The following BICRA variants were observed in gnomAD, a reference collection of about 807,000 sequenced individuals.
The protein encoded by BICRA is BRD4 interacting chromatin remodeling complex associated protein, also known as BRD4-interacting chromatin-remodeling complex-associated protein.
In BICRA, 31 loss-of-function variants were observed where a neutral mutation model predicts 96.9. The ratio of observed to expected loss-of-function variants is 0.32; its 90% CI spans 0.24 to 0.43. BICRA has a LOEUF of 0.43. Ranked by LOEUF, BICRA falls within the 20% of genes least tolerant of loss-of-function variation. BICRA has a pLI of 1.00. For synonymous variants in BICRA, 1,350 were observed against 1,071.8 expected, an observed-to-expected ratio of 1.26 and a Z score of -5.07; for missense variants, 2,283 against 2,190.3, an observed-to-expected ratio of 1.04 and a Z score of -0.84.
intron 10 of BICRA, 33 bp from the exon 11 acceptor site, chr19:47,696,418 G>C (rs768473590): frequency 2.7e-5 from 42 of 1,561,372 alleles, no homozygotes; most frequent in Non-Finnish European, 3.6e-5. Context: ...GCTTCTGGAG[G>C]CAAAGGCCTC....
chr19:47,624,953 C>T (rs1305435776), intron 1 of BICRA, among the ~76,000 whole-genome samples: 1 of 150,236 alleles, frequency 6.7e-6, no homozygotes, highest in African/African-American at 2.4e-5. Flanking sequence ...CTCAGTCTCC[C>T]ACAGTGCTGG....
At chr19:47,634,826 G>A (rs969256897) in intron 1 of BICRA, among the ~76,000 whole-genome samples, 4 of 146,844 alleles carry the variant, frequency 2.7e-5, no homozygotes, top group Admixed American at 1.4e-4. Context: ...GCAGTGGCGC[G>A]ATCTCGGCTC....
At chr19:47,609,852 C>T (rs961513815) in intron 1 of BICRA, among the ~76,000 whole-genome samples, 5 of 152,036 alleles carry the variant, frequency 3.3e-5, no homozygotes, top group Non-Finnish European at 5.9e-5. Flanking sequence ...CCCCTTCGCA[C>T]CGCCCCTAAA....
chr19:47,618,109 T>A (rs766264374), intron 1 of BICRA, among the ~76,000 whole-genome samples: 8 of 152,208 alleles, frequency 5.3e-5, no homozygotes, highest in Non-Finnish European at 8.8e-5. Context: ...GTGGGTTGTT[T>A]CTGATTACAC....
chr19:47,684,132 C>T (rs1043235793), intron 7 of BICRA, among the ~76,000 whole-genome samples: 2 of 152,188 alleles, frequency 1.3e-5, no homozygotes, highest in African/African-American at 4.8e-5. Flanking sequence ...AAACGAGTTA[C>T]TATATGCTTA....
Position 47,701,882 on chromosome 19 carries a change from C to A in BICRA, c.4150C>A (p.Arg1384Ser). Residue 1384 changes from arginine to serine, a missense_variant, in exon 15 of 15, where the codon CGC becomes AGC. By Grantham distance (110) the Arg-to-Ser change is moderately radical. Transcript: ENST00000594866. This position sits in a 1 kb window ranked among gnomAD's most constrained non-coding sequence, Gnocchi z 5.4. ...KPLGTAPHCP[R>S]LPLRKTYREN... is the part of the protein sequence containing the mutation. ...CCTGGGCACCGCCCCGCACTGCCCG[C>A]GCCTGCCACTGCGCAAGACCTACCG... The A allele has an allele frequency of 6.8e-7, 1 of 1,468,502 alleles. No individual in the cohort carries two copies. Among genetic ancestry groups the A allele is most frequent in the South Asian group, 1.3e-5 (1 of 78,308 alleles). 91.0% of individuals were successfully genotyped at this position (1,468,502 alleles called of 1,614,324 possible).
At chr19:47,693,316 G>A (rs2162938) in intron 7 of BICRA, among the ~76,000 whole-genome samples, 37,590 of 152,198 alleles carry the variant, frequency 0.25, 4,764 homozygotes, top group South Asian at 0.32. Context: ...ACCAGATCGC[G>A]TGTGCTTGCA....
At position 47,702,272 on chromosome 19, in the gene BICRA, G is replaced by T; in HGVS notation, c.4540G>T (p.Ala1514Ser). The change falls in exon 15 of 15, where the codon GCC becomes TCC. Residue 1514 changes from alanine (A) to serine (S), a missense_variant. Coordinates refer to ENST00000594866, the MANE Select transcript of BICRA (RefSeq NM_001394372.1). The stretch of plus-strand genomic sequence containing the variant: ...CGACAGCATCCTGAACCTGCAGCAG[G>T]CCCCCGGCCGGACGCCCGCGCCCTC... ...AIDSILNLQQ[A>S]PGRTPAPSYP... 6.3e-7 allele frequency: 1 copy of T among 1,595,952 alleles called. No homozygotes were observed. Among genetic ancestry groups the T allele is most frequent in the Non-Finnish European group, 8.5e-7 (1 of 1,176,978 alleles).
At chr19:47,644,092 C>A (rs1014447323) in intron 1 of BICRA, among the ~76,000 whole-genome samples, 20 of 152,114 alleles carry the variant, frequency 1.3e-4, no homozygotes, top group African/African-American at 4.8e-4. Flanking sequence ...GATCATGGCT[C>A]ACTGCAGCCT....
chr19:47,672,973 C>T (rs1175827521), intron 2 of BICRA, among the ~76,000 whole-genome samples: 2 of 152,102 alleles, frequency 1.3e-5, no homozygotes, highest in Non-Finnish European at 1.5e-5. Context: ...TCCTTGGGAA[C>T]ACATTGCAGA....
intron 7 of BICRA, among the ~76,000 whole-genome samples, chr19:47,688,314 C>T (rs920689436): frequency 6.6e-6 from 1 of 152,044 alleles, no homozygotes; most frequent in Admixed American, 6.6e-5. Context: ...GTGAACAATC[C>T]ACTCATATGT....
At chr19:47,691,261 A>G (rs538771018) in intron 7 of BICRA, among the ~76,000 whole-genome samples, 1 of 152,362 alleles carries the variant, frequency 6.6e-6, no homozygotes, top group East Asian at 1.9e-4. Context: ...TGAGTGACCC[A>G]ATAGAAACAG....
intron 1 of BICRA, among the ~76,000 whole-genome samples, chr19:47,667,304 A>G (rs112228481): frequency 6.6e-6 from 1 of 152,180 alleles, no homozygotes; most frequent in Non-Finnish European, 1.5e-5. Context: ...CGTGAGCCAC[A>G]GCGCCTGGCC....
At chr19:47,628,358 C>G (rs1972171057) in intron 1 of BICRA, among the ~76,000 whole-genome samples, 1 of 152,098 alleles carries the variant, frequency 6.6e-6, no homozygotes, top group Non-Finnish European at 1.5e-5. Flanking sequence ...CTGCTGTGGT[C>G]AGGGGCCTGC....
intron 1 of BICRA, among the ~76,000 whole-genome samples, chr19:47,616,892 G>A (rs1971992850): frequency 6.7e-6 from 1 of 148,680 alleles, no homozygotes; most frequent in Non-Finnish European, 1.5e-5. Context: ...ACAGTGGTGT[G>A]ATCTTGGCTC....
chr19:47,676,412 G>A (rs904280066), intron 5 of BICRA, among the ~76,000 whole-genome samples: 3 of 152,098 alleles, frequency 2.0e-5, no homozygotes, highest in East Asian at 1.9e-4. Flanking sequence ...GGCCAATGCA[G>A]AGGATGTTTA....
At chr19:47,676,032 A>C in intron 5 of BICRA, 116 bp downstream of exon 5, 3 of 246,414 alleles carry the variant, frequency 1.2e-5, no homozygotes, top group Non-Finnish European at 1.6e-5. Context: ...TGACAGGAGG[A>C]GGGCGGGGGT....
chr19:47,623,834 TTC>T (rs912739990), intron 1 of BICRA, among the ~76,000 whole-genome samples: 1 of 150,176 alleles, frequency 6.7e-6, no homozygotes. Flanking sequence ...GAAGTGTTCT[TTC>T]TCTCTCTCTC....
intron 1 of BICRA, among the ~76,000 whole-genome samples, chr19:47,640,243 G>A (rs1363648323): frequency 7.2e-5 from 11 of 152,158 alleles, no homozygotes; most frequent in Admixed American, 5.2e-4. Context: ...ACAAGTCAAA[G>A]ATCCCTGGCT....
Sources: gnomAD v4.1 joint callset for allele counts (sites outside exome capture counted in the v4.1 genomes callset) on GRCh38, gnomAD v4.1.1 for gene constraint, Gnocchi (gnomAD v3.1) non-coding constraint, MANE v1.5 for transcripts, NCBI Gene and HGNC (gene_info 2026-07-23, HGNC 2026-07-21) for gene names.